Variants in KCNIP4 observed in about 807,000 individuals in gnomAD.
KCNIP4 encodes the protein potassium voltage-gated channel interacting protein 4, also known as Kv channel-interacting protein 4.
In KCNIP4, 12 loss-of-function variants were observed where a neutral mutation model predicts 34.0. The ratio of observed to expected loss-of-function variants is 0.35; its 90% CI spans 0.23 to 0.57. The LOEUF is 0.57. Ranked by LOEUF, KCNIP4 falls within the 20% of genes least tolerant of loss-of-function variation. The pLI, the probability that KCNIP4 is intolerant of heterozygous loss-of-function variation, is 0.83. For synonymous variants in KCNIP4, 124 were observed against 102.2 expected, an observed-to-expected ratio of 1.21 and a Z score of -1.29; for missense variants, 238 against 311.7, an observed-to-expected ratio of 0.76 and a Z score of 1.78.
At chr4:21,656,313 G>A in intron 1 of KCNIP4, among the ~76,000 whole-genome samples, 1 of 152,166 alleles carries the variant, frequency 6.6e-6, no homozygotes, top group East Asian at 1.9e-4. Flanking sequence ...ATTGGATTAA[G>A]GGCCCATATT....
intron 1 of KCNIP4, among the ~76,000 whole-genome samples, chr4:21,621,117 T>C (rs892974291): frequency 2.0e-5 from 3 of 152,140 alleles, no homozygotes; most frequent in African/African-American, 7.2e-5. Flanking sequence ...CAAAAAGCAA[T>C]AAATAGGGAG....
At chr4:21,115,940 C>T (rs1446764219) in intron 1 of KCNIP4, among the ~76,000 whole-genome samples, 1 of 152,218 alleles carries the variant, frequency 6.6e-6, no homozygotes, top group African/African-American at 2.4e-5. Context: ...GAAAGAGGAC[C>T]AATCCATTTG....
At chr4:21,058,451 C>T (rs1380256124) in intron 1 of KCNIP4, among the ~76,000 whole-genome samples, 4 of 152,112 alleles carry the variant, frequency 2.6e-5, no homozygotes, top group African/African-American at 9.7e-5. Flanking sequence ...AAATGGGTTC[C>T]TAGTCCTGCC....
chr4:21,663,126 T>A (rs1365726556), intron 1 of KCNIP4, among the ~76,000 whole-genome samples: 1 of 152,158 alleles, frequency 6.6e-6, no homozygotes, highest in African/African-American at 2.4e-5. Flanking sequence ...GTAAATCAGT[T>A]TTCTAAACTG....
chr4:21,360,125 T>C (rs1289709426), intron 1 of KCNIP4, among the ~76,000 whole-genome samples: 2 of 152,130 alleles, frequency 1.3e-5, no homozygotes, highest in Non-Finnish European at 2.9e-5. Context: ...GAATTTAGAA[T>C]TAAGAGATAT....
At chr4:21,165,799 A>C (rs901068327) in intron 1 of KCNIP4, among the ~76,000 whole-genome samples, 1 of 152,196 alleles carries the variant, frequency 6.6e-6, no homozygotes, top group Non-Finnish European at 1.5e-5. Context: ...TGTCCTCTCT[A>C]AAATTCATGT....
At chr4:21,891,128 A>T (rs1727068416) in intron 1 of KCNIP4, among the ~76,000 whole-genome samples, 1 of 152,042 alleles carries the variant, frequency 6.6e-6, no homozygotes, top group Admixed American at 6.6e-5. Context: ...CCTGGGTTGA[A>T]CACTCTTGCA....
At chr4:21,583,336 C>T (rs1395025973) in intron 1 of KCNIP4, among the ~76,000 whole-genome samples, 1 of 151,854 alleles carries the variant, frequency 6.6e-6, no homozygotes, top group Non-Finnish European at 1.5e-5. Flanking sequence ...TTTAGGCTTG[C>T]TGTGCTTCAG....
intron 1 of KCNIP4, among the ~76,000 whole-genome samples, chr4:20,978,891 C>T (rs1439166731): frequency 6.6e-6 from 1 of 152,096 alleles, no homozygotes; most frequent in Non-Finnish European, 1.5e-5. Context: ...GCCTGACATC[C>T]TGTAGACAAT....
intron 1 of KCNIP4, among the ~76,000 whole-genome samples, chr4:20,940,171 T>C (rs923781546): frequency 7.2e-5 from 11 of 152,188 alleles, no homozygotes; most frequent in Non-Finnish European, 1.5e-4. Flanking sequence ...CTCTTCTTCA[T>C]CTGTCCATTA....
intron 3 of KCNIP4, among the ~76,000 whole-genome samples, chr4:20,846,113 C>A (rs1373802400): frequency 5.3e-5 from 8 of 152,100 alleles, no homozygotes; most frequent in Non-Finnish European, 1.2e-4. Flanking sequence ...GTCAAAAGGA[C>A]ATTAGCAGGT....
At chr4:21,714,844 AT>A (rs1226670477) in intron 1 of KCNIP4, among the ~76,000 whole-genome samples, 1 of 234 alleles carries the variant, frequency 4.3e-3, no homozygotes, top group Non-Finnish European at 6.3e-3. Context: ...ATTTTATTTT[AT>A]TTTATTTTAT....
intron 1 of KCNIP4, among the ~76,000 whole-genome samples, chr4:21,044,007 A>G (rs1180554333): frequency 6.6e-6 from 1 of 152,116 alleles, no homozygotes. Flanking sequence ...AGCCCATGTC[A>G]TAATTCTGGA....
chr4:21,075,026 T>G (rs897440355), intron 1 of KCNIP4, among the ~76,000 whole-genome samples: 3 of 152,172 alleles, frequency 2.0e-5, no homozygotes, highest in Non-Finnish European at 4.4e-5. Context: ...TTTCTGTTCT[T>G]TTACATTTGC....
intron 1 of KCNIP4, among the ~76,000 whole-genome samples, chr4:21,752,588 A>G (rs1047219760): frequency 6.6e-6 from 1 of 152,026 alleles, no homozygotes; most frequent in Non-Finnish European, 1.5e-5. Flanking sequence ...CTAGAGGAAG[A>G]AAAAAAAGGG....
chr4:21,521,817 G>GATGGAAGT (rs1735551926), intron 1 of KCNIP4, among the ~76,000 whole-genome samples: 1 of 152,018 alleles, frequency 6.6e-6, no homozygotes. Flanking sequence ...CCATGCAATG[G>GATGGAAGT]ATGGAAGTTG....
In KCNIP4 at chr4:21,399,331, A is replaced by G. The variant is rs547084612; in HGVS notation, c.62-516622T>C. ...GGCCAGGAGGTAGCTGCTCTTCCCCACTGAGACTGACCCTCACAGGATGTG... is the reference window on the plus strand; with the variant it reads ...GGCCAGGAGGTAGCTGCTCTTCCCCGCTGAGACTGACCCTCACAGGATGTG... On this transcript the variant is annotated intron_variant, in intron 1 of 8. Coordinates refer to ENST00000382152, the MANE Select transcript of KCNIP4 (RefSeq NM_025221.6). Among the ~76,000 whole-genome samples the G allele has an allele frequency of 3.9e-4, 59 of 152,330 alleles. No homozygotes were observed. In the South Asian group the frequency reaches 0.012, roughly 31 times the overall value.
chr4:20,779,283 A>C (rs1156552013), intron 3 of KCNIP4, among the ~76,000 whole-genome samples: 1 of 152,144 alleles, frequency 6.6e-6, no homozygotes, highest in Admixed American at 6.5e-5. Flanking sequence ...AAGAGCTGTA[A>C]GGATGTATAG....
chr4:21,054,538 T>C (rs1397121404), intron 1 of KCNIP4, among the ~76,000 whole-genome samples: 1 of 148,280 alleles, frequency 6.7e-6, no homozygotes, highest in Non-Finnish European at 1.5e-5. Flanking sequence ...AAAAAAAGAA[T>C]AGACAAAGAG....
Sources: gnomAD v4.1 joint callset for allele counts (sites outside exome capture counted in the v4.1 genomes callset) on GRCh38, gnomAD v4.1.1 for gene constraint, MANE v1.5 for transcripts, NCBI Gene and HGNC (gene_info 2026-07-23, HGNC 2026-07-21) for gene names.